The following CEMIP2 variants were observed in gnomAD, a reference collection of about 807,000 sequenced individuals.
CEMIP2 encodes cell surface hyaluronidase CEMIP2.
CEMIP2 carries 79 observed loss-of-function variants against 146.9 expected under a neutral mutation model. The observed-to-expected ratio is 0.54, with a 90% CI of 0.45 to 0.65. The LOEUF (loss-of-function observed/expected upper bound fraction) is 0.65. Ranked by LOEUF, CEMIP2 falls within the 30% of genes least tolerant of loss-of-function variation. The probability of loss-of-function intolerance (pLI) is 0.00; values close to 1 mark genes in which losing one functional copy is unlikely to be tolerated. For missense variants in CEMIP2, 1,596 were observed against 1,696.2 expected, an observed-to-expected ratio of 0.94 and a Z score of 1.04; for synonymous variants, 601 against 606.3, an observed-to-expected ratio of 0.99 and a Z score of 0.13.
intron 12 of CEMIP2, among the ~76,000 whole-genome samples, chr9:71,720,013 C>A (rs768847139): frequency 6.6e-6 from 1 of 152,106 alleles, no homozygotes; most frequent in Non-Finnish European, 1.5e-5. Flanking sequence ...TGCTTTGATA[C>A]CCTTTATTTC....
chr9:71,751,117 A>C (rs115621412), intron 1 of CEMIP2, among the ~76,000 whole-genome samples: 10,622 of 152,206 alleles, frequency 0.07, 394 homozygotes, highest in Middle Eastern at 0.11. Context: ...ATAAACTTAC[A>C]TTTTAACTAT....
Position 71,745,035 on chromosome 9 carries a change from G to A in CEMIP2, c.1017C>T (p.Ile339=), listed in dbSNP as rs757198070. The A allele has an allele frequency of 4.3e-6, 7 of 1,613,806 alleles. No individual in the cohort carries two copies. In the African/African-American group the frequency reaches 9.3e-5, roughly 22 times the overall value. Residue 339 remains isoleucine, a synonymous_variant, in exon 4 of 24, where the codon ATC becomes ATT. Coordinates refer to ENST00000377044, the MANE Select transcript of CEMIP2 (RefSeq NM_013390.3). ...ATGCCTACCTGTAGCCCAGTCCTTG[G>A]ATCAGTTCACTTCCCAACCGTTCCT... ...MIQERLGSEL[I]QGLGYRQAWA... is the part of the protein sequence containing the mutation.
chr9:71,715,195 C>A, intron 14 of CEMIP2, 106 bp from the exon 15 acceptor site: 79 of 906,392 alleles, frequency 8.7e-5, no homozygotes, highest in Admixed American at 1.3e-4. Context: ...TAAAAGAAGT[C>A]AATAGCTTTT....
At chr9:71,730,373 G>A in intron 8 of CEMIP2, 120 bp from the exon 9 acceptor site, 1 of 977,548 alleles carries the variant, frequency 1.0e-6, no homozygotes, top group Non-Finnish European at 1.5e-6. Context: ...AACCTTAGCA[G>A]AATGGGCAAA....
intron 1 of CEMIP2, among the ~76,000 whole-genome samples, chr9:71,756,212 T>TAGATAGATAGATAGATAGATAGATAGGC: frequency 7.8e-6 from 1 of 127,794 alleles, no homozygotes. Context: ...GATAGATAGA[T>TAGATAGATAGATAGATAGATAGATAGGC]AGGCTATATA....
chr9:71,753,333 A>T (rs1243215913), intron 1 of CEMIP2, among the ~76,000 whole-genome samples: 1 of 152,202 alleles, frequency 6.6e-6, no homozygotes, highest in East Asian at 1.9e-4. Context: ...CCACAATAAA[A>T]TAAAAGGCAT....
chr9:71,746,146 T>A, intron 3 of CEMIP2, 55 bp downstream of exon 3: 1 of 1,578,302 alleles, frequency 6.3e-7, no homozygotes, highest in Non-Finnish European at 8.6e-7. Context: ...ACATCAAATA[T>A]CCCCCACATT....
upstream of CEMIP2, chr9:71,768,810 C>T (rs1824883389): frequency 6.8e-6 from 1 of 146,828 alleles, no homozygotes; most frequent in African/African-American, 2.5e-5. Flanking sequence ...TGTCCCTGGT[C>T]GGCGGGCGCC....
chr9:71,690,036 G>A (rs1037032109), intron 22 of CEMIP2, 56 bp downstream of exon 22: 1 of 1,589,288 alleles, frequency 6.3e-7, no homozygotes, highest in Admixed American at 1.7e-5. Flanking sequence ...TATCAGTTTG[G>A]AGCACTCCAC....
chr9:71,739,133 T>C (rs879546917), intron 5 of CEMIP2, among the ~76,000 whole-genome samples: 11 of 149,218 alleles, frequency 7.4e-5, no homozygotes, highest in Non-Finnish European at 1.5e-4. Context: ...TTACGATAAC[T>C]AGAACATACC....
intron 20 of CEMIP2, among the ~76,000 whole-genome samples, chr9:71,695,171 C>T (rs1822357916): frequency 6.6e-6 from 1 of 152,182 alleles, no homozygotes; most frequent in Non-Finnish European, 1.5e-5. Flanking sequence ...GCACTCCACC[C>T]TCTTCCTTGC....
Position 71,730,035 on chromosome 9 carries a change from G to A in CEMIP2, c.1979+13C>T, listed in dbSNP as rs372208026. On this transcript the variant is annotated intron_variant, in intron 9 of 23. Transcript: ENST00000377044. ...CCCTGACTCATGGGTTTTTCTCTCC[G>A]CCAATTACTCACATACAGTCAGTAG... 46 of 1,613,808 alleles carry A rather than the reference G, an allele frequency of 2.9e-5. No individual in the cohort carries two copies. The highest frequency in any genetic ancestry group is 1.2e-4 in the Admixed American group (7 of 59,976).
intron 1 of CEMIP2, among the ~76,000 whole-genome samples, chr9:71,761,707 T>C (rs1824642692): frequency 6.6e-6 from 1 of 152,136 alleles, no homozygotes; most frequent in Non-Finnish European, 1.5e-5. Context: ...GACCCAATAG[T>C]ACAAAAAATA....
intron 6 of CEMIP2, among the ~76,000 whole-genome samples, chr9:71,733,841 G>A (rs973646967): frequency 1.3e-5 from 2 of 151,350 alleles, no homozygotes; most frequent in African/African-American, 4.8e-5. Flanking sequence ...GAATTTCTTT[G>A]TGTAGTCTTT....
intron 6 of CEMIP2, among the ~76,000 whole-genome samples, chr9:71,734,003 C>T (rs1823692968): frequency 6.6e-6 from 1 of 152,092 alleles, no homozygotes; most frequent in Non-Finnish European, 1.5e-5. Context: ...TGCCACCATG[C>T]CTGGCTAATG....
chr9:71,739,949 T>A, intron 5 of CEMIP2, 114 bp downstream of exon 5: 1 of 999,252 alleles, frequency 1.0e-6, no homozygotes. Context: ...CTTCAACTAG[T>A]TGAGAAATCT....
chr9:71,708,694 A>G (rs1162941558), intron 17 of CEMIP2, among the ~76,000 whole-genome samples: 1 of 152,140 alleles, frequency 6.6e-6, no homozygotes, highest in Non-Finnish European at 1.5e-5. Flanking sequence ...TTCTCAATGT[A>G]TATCATCTCC....
chr9:71,707,699 A>C (rs1357631317), intron 17 of CEMIP2, among the ~76,000 whole-genome samples: 13 of 152,216 alleles, frequency 8.5e-5, no homozygotes, highest in Non-Finnish European at 8.8e-5. Context: ...GAGGGGAAAT[A>C]GCACAGCACG....
chr9:71,734,643 G>A (rs970999737), intron 6 of CEMIP2, among the ~76,000 whole-genome samples, 163 bp downstream of exon 6: 3 of 151,948 alleles, frequency 2.0e-5, no homozygotes, highest in African/African-American at 7.3e-5. Context: ...AATATTCCCT[G>A]GAATCTAGTG....
Sources: allele counts gnomAD v4.1 joint callset (sites outside exome capture counted in the v4.1 genomes callset), GRCh38; gene constraint gnomAD v4.1.1; transcripts MANE v1.5; gene names NCBI Gene and HGNC (gene_info 2026-07-23, HGNC 2026-07-21).